SLC9B1: variants seen among roughly 807,000 people sequenced by gnomAD.
SLC9B1 encodes solute carrier family 9 member B1, also known as sodium/hydrogen exchanger 9B1.
In SLC9B1, 32 loss-of-function variants were observed where a neutral mutation model predicts 51.7. The observed-to-expected ratio is 0.62, with a 90% CI of 0.47 to 0.83. SLC9B1 has a LOEUF of 0.83. Among genes scored for constraint, SLC9B1 ranks in the 40% least tolerant of loss-of-function variants. SLC9B1 has a pLI of 0.00. For missense variants in SLC9B1, 406 were observed against 613.2 expected (o/e 0.66, Z 3.57); for synonymous variants, 145 against 212.7 (o/e 0.68, Z 2.77).
intron 3 of SLC9B1, chr4:102,962,745 A>G (rs1315641436): frequency 4.2e-6 from 2 of 471,860 alleles, no homozygotes; most frequent in Non-Finnish European, 8.7e-6. Context: ...CAGTCACTGG[A>G]GACCACAAAA....
At chr4:102,935,906 G>A (rs114034010) in intron 6 of SLC9B1, among the ~76,000 whole-genome samples, 18,024 of 152,130 alleles carry the variant, frequency 0.12, 1,141 homozygotes, top group Admixed American at 0.16. Flanking sequence ...CACACCTGCC[G>A]GCACTGCACC....
At chr4:102,976,490 G>T (rs1444356271) in intron 3 of SLC9B1, among the ~76,000 whole-genome samples, 1 of 152,154 alleles carries the variant, frequency 6.6e-6, no homozygotes, top group Non-Finnish European at 1.5e-5. Flanking sequence ...TATATGCAAG[G>T]ATAGGTCCCA....
chr4:102,898,749 A>G (rs1314996792), downstream of SLC9B1, among the ~76,000 whole-genome samples: 2 of 152,218 alleles, frequency 1.3e-5, no homozygotes, highest in Non-Finnish European at 2.9e-5. Context: ...TTTTTTTGAG[A>G]CGGAGTCTCG....
chr4:102,954,056 C>T (rs1294332508), intron 3 of SLC9B1, among the ~76,000 whole-genome samples: 2 of 46,492 alleles, frequency 4.3e-5, no homozygotes, highest in Non-Finnish European at 7.1e-5. Context: ...TGCTGGTTTT[C>T]AAAGGGAATG....
intron 3 of SLC9B1, among the ~76,000 whole-genome samples, chr4:102,959,523 G>T (rs1737982253): frequency 6.7e-6 from 1 of 149,496 alleles, no homozygotes; most frequent in Non-Finnish European, 1.5e-5. Context: ...GACATTTTGA[G>T]GAAAGATATT....
intron 7 of SLC9B1, among the ~76,000 whole-genome samples, chr4:102,916,477 C>T (rs1390154149): frequency 6.6e-6 from 1 of 152,110 alleles, no homozygotes; most frequent in African/African-American, 2.4e-5. Flanking sequence ...ATAACAACAT[C>T]ATAATAACAG....
intron 3 of SLC9B1, among the ~76,000 whole-genome samples, chr4:102,954,668 C>T (rs1331708141): frequency 6.6e-6 from 1 of 151,868 alleles, no homozygotes; most frequent in Non-Finnish European, 1.5e-5. Context: ...TATTGTCAAA[C>T]AAATACATTT....
intron 2 of SLC9B1, among the ~76,000 whole-genome samples, chr4:102,990,179 A>T (rs553880980): frequency 6.6e-6 from 1 of 152,140 alleles, no homozygotes; most frequent in African/African-American, 2.4e-5. Flanking sequence ...ATTTTCAATC[A>T]TTTGTGTATA....
intron 3 of SLC9B1, among the ~76,000 whole-genome samples, chr4:102,987,014 G>A (rs964939151): frequency 1.3e-5 from 2 of 151,984 alleles, no homozygotes; most frequent in African/African-American, 4.8e-5. Context: ...TTTAATACAC[G>A]TTGTAAATTT....
chr4:102,997,745 T>A (rs1479600663), intron 1 of SLC9B1, among the ~76,000 whole-genome samples: 5 of 152,208 alleles, frequency 3.3e-5, no homozygotes, highest in Admixed American at 6.5e-5. Context: ...TGTTTTAATA[T>A]AGATCTGTTG....
intron 6 of SLC9B1, 86 bp downstream of exon 6, chr4:102,945,107 C>T: frequency 4.6e-6 from 6 of 1,312,892 alleles, no homozygotes. Flanking sequence ...TAGAGCTTTT[C>T]TATACAACAT....
At chr4:103,009,889 T>C (rs1435688079) in intron 1 of SLC9B1, among the ~76,000 whole-genome samples, 1 of 148,958 alleles carries the variant, frequency 6.7e-6, no homozygotes, top group Non-Finnish European at 1.5e-5. Flanking sequence ...CAGAATACTC[T>C]TTATAAAAGG....
intron 3 of SLC9B1, chr4:102,962,964 C>A (rs537452091): frequency 4.9e-4 from 225 of 462,590 alleles, no homozygotes; most frequent in African/African-American, 4.2e-3. Flanking sequence ...TTTATGGAAT[C>A]CATCTTGAAT....
intron 1 of SLC9B1, among the ~76,000 whole-genome samples, chr4:103,000,190 GAC>G (rs1338799279): frequency 6.6e-6 from 1 of 152,146 alleles, no homozygotes; most frequent in East Asian, 1.9e-4. Flanking sequence ...TTTGGGTGGA[GAC>G]ACAGAACCAA....
intron 3 of SLC9B1, among the ~76,000 whole-genome samples, chr4:102,955,606 G>A (rs1737744176): frequency 1.3e-5 from 2 of 152,142 alleles, no homozygotes; most frequent in South Asian, 4.1e-4. Context: ...TGAACAGACA[G>A]AATTGCAGCT....
chr4:102,991,795 A>C, intron 1 of SLC9B1, 83 bp from the exon 2 acceptor site: 1 of 953,770 alleles, frequency 1.0e-6, no homozygotes, highest in South Asian at 1.9e-5. Flanking sequence ...AGTGGGATTA[A>C]TTTTTTAAAG....
At chr4:102,904,720 G>A (rs1319186642) in intron 11 of SLC9B1, among the ~76,000 whole-genome samples, 3 of 151,996 alleles carry the variant, frequency 2.0e-5, no homozygotes, top group Non-Finnish European at 4.4e-5. Context: ...AGTGGCTCAT[G>A]CCTGTGATCC....
intron 3 of SLC9B1, among the ~76,000 whole-genome samples, chr4:102,969,525 G>A (rs1290234902): frequency 2.0e-5 from 3 of 152,186 alleles, no homozygotes; most frequent in South Asian, 2.1e-4. Flanking sequence ...CCACAAAGAT[G>A]GGGGGAAACA....
Position 103,015,574 on chromosome 4 carries a change from T to C in SLC9B1, c.-2+4025A>G, listed in dbSNP as rs982719438. ...CCACTCACTCACAGGGCCACAAATCTCAAATGGCCACTCAACTTTGCCCAG... is the reference window on the plus strand; with the variant it reads ...CCACTCACTCACAGGGCCACAAATCCCAAATGGCCACTCAACTTTGCCCAG... On this transcript the variant is annotated intron_variant, in intron 1 of 11. Coordinates refer to ENST00000296422, the MANE Select transcript of SLC9B1 (RefSeq NM_139173.4). 7.9e-5 allele frequency among the ~76,000 whole-genome samples: 12 copies of C among 152,238 alleles called. No individual in the cohort carries two copies. The Middle Eastern group carries it at 0.01, about 129-fold the overall frequency.
Sources: gnomAD v4.1 joint callset for allele counts (sites outside exome capture counted in the v4.1 genomes callset) on GRCh38, gnomAD v4.1.1 for gene constraint, MANE v1.5 for transcripts, NCBI Gene and HGNC (gene_info 2026-07-23, HGNC 2026-07-21) for gene names.